PSD3: variants seen among roughly 807,000 people sequenced by gnomAD.
PSD3 encodes pleckstrin and Sec7 domain containing 3.
A neutral mutation model predicts 105.5 loss-of-function variants in PSD3; 49 were observed. That is an observed-to-expected ratio of 0.46 (90% CI 0.37 to 0.59). The LOEUF (loss-of-function observed/expected upper bound fraction) is 0.59. Among genes scored for constraint, PSD3 ranks in the 20% least tolerant of loss-of-function variants. PSD3 has a pLI of 0.00. For missense variants in PSD3, 1,561 were observed against 1,263.8 expected (o/e 1.24, Z -3.57); for synonymous variants, 557 against 457.8 (o/e 1.22, Z -2.77).
intron 1 of PSD3, among the ~76,000 whole-genome samples, chr8:19,081,235 TG>T (rs57357190): frequency 0.14 from 20,933 of 152,192 alleles, 1,851 homozygotes; most frequent in African/African-American, 0.25. Context: ...AGGCCTTCAC[TG>T]CTTCTAGAAA....
chr8:18,539,597 G>T (rs2129950752), intron 15 of PSD3, among the ~76,000 whole-genome samples: 1 of 149,540 alleles, frequency 6.7e-6, no homozygotes, highest in East Asian at 2.0e-4. Flanking sequence ...CTCCAGGCTG[G>T]AGGGCAGTGG....
At chr8:18,999,799 T>C (rs1826278746) in intron 1 of PSD3, among the ~76,000 whole-genome samples, 1 of 151,612 alleles carries the variant, frequency 6.6e-6, no homozygotes, top group Non-Finnish European at 1.5e-5. Flanking sequence ...CCCCTCTGAA[T>C]CTTACTGAAC....
chr8:18,980,211 A>G (rs1381093932), intron 1 of PSD3, among the ~76,000 whole-genome samples: 2 of 152,330 alleles, frequency 1.3e-5, no homozygotes, highest in African/African-American at 4.8e-5. Context: ...AGTTCCTCAC[A>G]AGCTGGTGAG....
At chr8:18,697,872 G>A (rs770220882) in intron 9 of PSD3, among the ~76,000 whole-genome samples, 2 of 152,112 alleles carry the variant, frequency 1.3e-5, no homozygotes, top group African/African-American at 2.4e-5. Context: ...CCATTTCATC[G>A]TTGCATCACT....
intron 15 of PSD3, among the ~76,000 whole-genome samples, chr8:18,552,205 T>C (rs997964366): frequency 6.6e-6 from 1 of 152,198 alleles, no homozygotes; most frequent in Non-Finnish European, 1.5e-5. Context: ...TCCCCTGTAG[T>C]AAATCTCTTG....
intron 9 of PSD3, among the ~76,000 whole-genome samples, chr8:18,748,447 C>T (rs1269940817): frequency 3.3e-5 from 5 of 151,708 alleles, no homozygotes; most frequent in Admixed American, 2.0e-4. Flanking sequence ...GATCACGAGG[C>T]CAGGAGATCG....
intron 9 of PSD3, among the ~76,000 whole-genome samples, chr8:18,694,787 C>A (rs1370327523): frequency 5.3e-5 from 8 of 150,992 alleles, no homozygotes; most frequent in Non-Finnish European, 1.2e-4. Flanking sequence ...AGCTCAAGAC[C>A]AGCCTGGGCA....
At chr8:18,747,365 T>C (rs1442065963) in intron 9 of PSD3, among the ~76,000 whole-genome samples, 2 of 152,192 alleles carry the variant, frequency 1.3e-5, no homozygotes, top group Admixed American at 6.5e-5. Flanking sequence ...TTTGGTTTCA[T>C]TTTTAAAAAA....
intron 9 of PSD3, among the ~76,000 whole-genome samples, chr8:18,757,905 C>T (rs1365582620): frequency 6.6e-6 from 1 of 152,048 alleles, no homozygotes; most frequent in African/African-American, 2.4e-5. Flanking sequence ...AAAAGAATGA[C>T]CAAGAGTAGT....
chr8:18,700,855 C>T (rs1476306029), intron 9 of PSD3, among the ~76,000 whole-genome samples: 1 of 152,162 alleles, frequency 6.6e-6, no homozygotes, highest in African/African-American at 2.4e-5. Flanking sequence ...GTGATACAGC[C>T]TTGGAAGAGT....
At chr8:19,026,182 T>G (rs909981251) in intron 1 of PSD3, among the ~76,000 whole-genome samples, 5 of 152,208 alleles carry the variant, frequency 3.3e-5, no homozygotes, top group African/African-American at 1.2e-4. Context: ...ATGGGAATTA[T>G]GGAAGCTACA....
chr8:19,029,003 C>G (rs1827664312), intron 1 of PSD3, among the ~76,000 whole-genome samples: 1 of 152,166 alleles, frequency 6.6e-6, no homozygotes, highest in East Asian at 1.9e-4. Context: ...TTTGAACTCT[C>G]TCTTCCATTT....
At position 18,647,779 on chromosome 8, in the gene PSD3, A is replaced by G. The variant is rs1808157905; in HGVS notation, c.2216+7863T>C. Among the ~76,000 whole-genome samples the G allele has an allele frequency of 2.6e-5, 4 of 152,100 alleles. No homozygotes were observed. In the South Asian group the frequency reaches 8.3e-4, roughly 32 times the overall value. The stretch of plus-strand genomic sequence containing the variant: ...GGGCCTGGTGAGAGGTGACTCGATC[A>G]TAATGGCATTACCCCCTTTAGTACT... On this transcript the variant is annotated intron_variant, in intron 10 of 15. Coordinates refer to ENST00000327040, the MANE Select transcript of PSD3 (RefSeq NM_015310.4).
chr8:18,724,153 G>A (rs1274038900), intron 9 of PSD3, among the ~76,000 whole-genome samples: 1 of 152,170 alleles, frequency 6.6e-6, no homozygotes, highest in Non-Finnish European at 1.5e-5. Flanking sequence ...AGGTAGGGGT[G>A]GAAGAATCAT....
intron 1 of PSD3, among the ~76,000 whole-genome samples, chr8:19,074,590 TAC>T (rs201436282): frequency 0.058 from 773 of 13,278 alleles, 5 homozygotes; most frequent in South Asian, 0.07. Context: ...CTCAGATATA[TAC>T]ATATATATAT....
intron 9 of PSD3, among the ~76,000 whole-genome samples, chr8:18,670,170 A>T (rs1799696889): frequency 6.6e-6 from 1 of 152,150 alleles, no homozygotes; most frequent in South Asian, 2.1e-4. Context: ...GACGTGAGTG[A>T]CCGGGAGCAG....
intron 12 of PSD3, among the ~76,000 whole-genome samples, chr8:18,575,533 C>G (rs1249710002): frequency 6.6e-6 from 1 of 151,942 alleles, no homozygotes; most frequent in Non-Finnish European, 1.5e-5. Flanking sequence ...TTTTAAAAAA[C>G]TGATATACAA....
chr8:18,666,800 CAATGT>C (rs760403252), intron 9 of PSD3, among the ~76,000 whole-genome samples: 13 of 151,854 alleles, frequency 8.6e-5, no homozygotes, highest in Non-Finnish European at 1.9e-4. Context: ...ACAGAGAGAG[CAATGT>C]AAACTACTGT....
intron 4 of PSD3, among the ~76,000 whole-genome samples, chr8:18,857,478 C>G (rs555356147): frequency 6.6e-6 from 1 of 152,290 alleles, no homozygotes; most frequent in African/African-American, 2.4e-5. Flanking sequence ...ACCGGGGAAG[C>G]TTTTAAAGCT....
Sources: allele counts gnomAD v4.1 joint callset (sites outside exome capture counted in the v4.1 genomes callset), GRCh38; gene constraint gnomAD v4.1.1; transcripts MANE v1.5; gene names NCBI Gene and HGNC (gene_info 2026-07-23, HGNC 2026-07-21).